The following ADGRV1 variants were observed in gnomAD, a reference collection of about 807,000 sequenced individuals.
ADGRV1 encodes G-protein coupled receptor 98.
ADGRV1 carries 359 observed loss-of-function variants against 596.2 expected under a neutral mutation model. The ratio of observed to expected loss-of-function variants is 0.60; its 90% confidence interval spans 0.55 to 0.66. The LOEUF (loss-of-function observed/expected upper bound fraction) is 0.66. Ranked by LOEUF, ADGRV1 falls within the 30% of genes least tolerant of loss-of-function variation. The pLI, the probability that ADGRV1 is intolerant of heterozygous loss-of-function variation, is 0.00. For synonymous variants in ADGRV1, 2,681 were observed against 2,679.2 expected, an observed-to-expected ratio of 1.00 and a Z score of -0.02; for missense variants, 7,274 against 7,575.6, an observed-to-expected ratio of 0.96 and a Z score of 1.48.
intron 1 of ADGRV1, among the ~76,000 whole-genome samples, chr5:90,612,478 T>C (rs1193829098): frequency 6.6e-6 from 1 of 152,030 alleles, no homozygotes; most frequent in Non-Finnish European, 1.5e-5. Context: ...GTAGAGAGTT[T>C]GGAGTTAGCC....
chr5:90,965,424 C>A lies in ADGRV1; in HGVS notation c.17866C>A (p.Leu5956Met). Reference protein sequence around the residue: ...AASLGTQILFLASAYASPQLA... With the variant: ...AASLGTQILFMASAYASPQLA... The stretch of plus-strand genomic sequence containing the variant: ...TATCTGTTTCTTACAGATTCTGTTT[C>A]TGGCGTCTGCATACGCAAGTCCCCA... The change falls in exon 84 of 90, where the codon CTG (leucine) becomes ATG (methionine). Residue 5956 changes from leucine (L) to methionine (M), a missense_variant. By Grantham distance (15) the Leu-to-Met change is conservative (BLOSUM62 2). This residue lies in a region of ADGRV1 where 1,874 missense variants were observed against 1,970.2 expected (regional missense o/e 0.95). Coordinates refer to ENST00000405460, the MANE Select transcript of ADGRV1 (RefSeq NM_032119.4). 6.2e-7 allele frequency: 1 copy of A among 1,606,362 alleles called. No homozygotes were observed. The highest frequency in any genetic ancestry group is 1.1e-5 in the South Asian group (1 of 90,898).
intron 72 of ADGRV1, among the ~76,000 whole-genome samples, chr5:90,806,523 A>G (rs1417143312): frequency 6.6e-6 from 1 of 152,090 alleles, no homozygotes; most frequent in Non-Finnish European, 1.5e-5. Flanking sequence ...ACTTTGGGTG[A>G]TATGCATAGC....
At chr5:90,568,240 A>G (rs998458390) in intron 1 of ADGRV1, among the ~76,000 whole-genome samples, 5 of 151,322 alleles carry the variant, frequency 3.3e-5, no homozygotes, top group Admixed American at 6.6e-5. Context: ...TTTTTTTAAT[A>G]TATGCATTTG....
intron 73 of ADGRV1, among the ~76,000 whole-genome samples, chr5:90,809,375 A>G (rs1222521979): frequency 6.6e-6 from 1 of 151,510 alleles, no homozygotes; most frequent in Non-Finnish European, 1.5e-5. Context: ...AGTAGATTAT[A>G]TTATTTGTCT....
chr5:90,809,726 G>T (rs6880683), intron 73 of ADGRV1, among the ~76,000 whole-genome samples: 7,100 of 152,256 alleles, frequency 0.047, 583 homozygotes, highest in African/African-American at 0.16. Flanking sequence ...AAGAATAAAT[G>T]ATTCTATCAT....
chr5:90,844,934 A>C (rs1765735812), intron 78 of ADGRV1, among the ~76,000 whole-genome samples: 1 of 152,110 alleles, frequency 6.6e-6, no homozygotes, highest in African/African-American at 2.4e-5. Context: ...TTCATCATAT[A>C]CTTTTTAATA....
At chr5:91,031,644 A>G (rs565306433) in intron 85 of ADGRV1, among the ~76,000 whole-genome samples, 2 of 152,356 alleles carry the variant, frequency 1.3e-5, no homozygotes, top group South Asian at 2.1e-4. Flanking sequence ...ATATGTTAGC[A>G]TAAGATGAGT....
rs574990613 is a variant in ADGRV1 at position 90,665,327 on chromosome 5, C to G, written c.4752+7049C>G. On this transcript the variant is annotated intron_variant, in intron 21 of 89. Coordinates refer to ENST00000405460, the MANE Select transcript of ADGRV1 (RefSeq NM_032119.4). The stretch of plus-strand genomic sequence containing the variant: ...GTCTATTCAGAGATTCAACTTCTTC[C>G]TGGTTTAGTCTTGGGAGAGTGTATG... Among the ~76,000 whole-genome samples, 38 of 151,924 alleles carry G rather than the reference C, an allele frequency of 2.5e-4. No homozygotes were observed. The East Asian group carries it at 4.5e-3, about 18-fold the overall frequency.
At chr5:90,655,277 T>C (rs1580614900) in intron 20 of ADGRV1, 1 of 152,306 alleles carries the variant, frequency 6.6e-6, no homozygotes, top group East Asian at 1.9e-4. Context: ...TTTAAATTTA[T>C]ATAAATAGAA....
intron 52 of ADGRV1, among the ~76,000 whole-genome samples, chr5:90,750,344 C>T (rs1440009330): frequency 6.6e-6 from 1 of 152,152 alleles, no homozygotes; most frequent in Non-Finnish European, 1.5e-5. Context: ...TTTTTGCTTA[C>T]TTTCACTTAG....
chr5:90,648,020 A>G (rs917072155), intron 17 of ADGRV1, among the ~76,000 whole-genome samples: 1 of 152,190 alleles, frequency 6.6e-6, no homozygotes. Flanking sequence ...ATTCTGATAT[A>G]TAAGTAAGTG....
intron 77 of ADGRV1, among the ~76,000 whole-genome samples, chr5:90,830,490 T>A (rs1764434406): frequency 6.6e-6 from 1 of 152,048 alleles, no homozygotes; most frequent in Non-Finnish European, 1.5e-5. Context: ...ATAAAAGAGA[T>A]TTGAGGCACA....
intron 84 of ADGRV1, among the ~76,000 whole-genome samples, chr5:90,975,021 C>T (rs959551988): frequency 6.6e-5 from 10 of 152,198 alleles, no homozygotes; most frequent in African/African-American, 2.2e-4. Context: ...ACAAACAACC[C>T]CATCACAAAG....
Position 91,031,714 on chromosome 5 carries a change from A to G in ADGRV1, c.18153-40733A>G, listed in dbSNP as rs1784497113. On this transcript the variant is annotated intron_variant, in intron 85 of 89. Transcript: ENST00000405460. ...TTGTTTTTGTGCCTTCCTTCTTCTT[A>G]TGATCAATAATGCCAAAGATTGTTA... is the stretch of plus-strand genomic sequence containing the variant. 2.0e-5 allele frequency among the ~76,000 whole-genome samples: 3 copies of G among 152,274 alleles called. No individual in the cohort carries two copies. The South Asian group carries it at 6.2e-4, about 32-fold the overall frequency.
At chr5:90,618,141 T>C (rs568870793) in intron 3 of ADGRV1, among the ~76,000 whole-genome samples, 188 bp downstream of exon 3, 2 of 152,314 alleles carry the variant, frequency 1.3e-5, no homozygotes, top group African/African-American at 4.8e-5. Context: ...TTGATCTTGT[T>C]CAGAAACTCT....
chr5:90,810,559 G>C lies in ADGRV1; in HGVS notation c.15299G>C (p.Arg5100Thr). ...FYINLTSVEI[R>T]GLQKFDVNWS... ...ATTAACCTTACTTCAGTAGAAATTA[G>C]GGGATTACAAAAGTTTGATGTTAAT... Residue 5100 changes from arginine (R) to threonine (T), a missense_variant, in exon 74 of 90, where the codon AGG (arginine) becomes ACG (threonine). By Grantham distance (71) the Arg-to-Thr change is moderately conservative. Transcript: ENST00000405460. The C allele has an allele frequency of 6.2e-7, 1 of 1,613,850 alleles. No homozygotes were observed. Among genetic ancestry groups the C allele is most frequent in the Non-Finnish European group, 8.5e-7 (1 of 1,179,814 alleles).
At position 90,781,532 on chromosome 5, in the gene ADGRV1, C is replaced by T. The variant is rs371623591; in HGVS notation, c.13185C>T (p.Asn4395=). 112 of 1,611,058 alleles carry T rather than the reference C, an allele frequency of 7.0e-5. 1 individual carries two copies. The South Asian group carries it at 8.8e-4, about 13-fold the overall frequency. The change falls in exon 65 of 90, where the codon AAC becomes AAT. Residue 4395 remains asparagine, a synonymous_variant. Transcript: ENST00000405460. ...IVRIIIMKND[N]AEGIIEFDPK... ...GCATCATAATAATGAAAAATGATAA[C>T]GCAGAAGGCATCATTGAATTTGACC...
chr5:91,082,834 T>A (rs1157135091), intron 86 of ADGRV1, among the ~76,000 whole-genome samples: 1 of 152,200 alleles, frequency 6.6e-6, no homozygotes, highest in Non-Finnish European at 1.5e-5. Context: ...CATTCTTGGT[T>A]TGCAACTTTT....
chr5:91,011,355 T>C (rs770282880), intron 85 of ADGRV1, among the ~76,000 whole-genome samples: 6 of 152,102 alleles, frequency 3.9e-5, no homozygotes, highest in Non-Finnish European at 8.8e-5. Context: ...TTATTTCTAG[T>C]TCTTTTCTGA....
Sources: gnomAD v4.1 joint callset for allele counts (sites outside exome capture counted in the v4.1 genomes callset) on GRCh38, gnomAD v4.1.1 for gene constraint, gnomAD v4.1.1 regional missense constraint, MANE v1.5 for transcripts, NCBI Gene and HGNC (gene_info 2026-07-23, HGNC 2026-07-21) for gene names.